CELF2: variants seen among roughly 807,000 people sequenced by gnomAD.
CELF2 encodes the protein CUG triplet repeat RNA-binding protein 2.
Under a neutral mutation model 62.6 loss-of-function variants are expected in CELF2, and 8 were observed. That is an observed-to-expected ratio of 0.13 (90% CI 0.07 to 0.23). CELF2 has a LOEUF of 0.23. CELF2 is among the 10% of genes least tolerant of loss of function. CELF2 has a pLI of 1.00. For missense variants in CELF2, 333 were observed against 671.0 expected, an observed-to-expected ratio of 0.50 and a Z score of 5.56; for synonymous variants, 258 against 250.0, an observed-to-expected ratio of 1.03 and a Z score of -0.30.
chr10:10,640,771 G>GA, the CELF2 span, among the ~76,000 whole-genome samples: 3 of 152,168 alleles, frequency 2.0e-5, no homozygotes, highest in Non-Finnish European at 4.4e-5. Context: ...AGGAAAGAAA[G>GA]AAAAAATGTT....
At chr10:10,631,007 C>T in the CELF2 span, among the ~76,000 whole-genome samples, 20 of 152,214 alleles carry the variant, frequency 1.3e-4, no homozygotes, top group African/African-American at 4.3e-4. Flanking sequence ...TTTGGAATTG[C>T]CAATGTTATA....
chr10:10,747,491 C>T, the CELF2 span, among the ~76,000 whole-genome samples: 18 of 152,136 alleles, frequency 1.2e-4, no homozygotes, highest in African/African-American at 4.3e-4. Context: ...CGGAAGGCGG[C>T]AGGCACCTGA....
chr10:10,655,391 CA>C, the CELF2 span, among the ~76,000 whole-genome samples: 1 of 120,952 alleles, frequency 8.3e-6, no homozygotes, highest in East Asian at 2.0e-4. Flanking sequence ...CATATGGAAC[CA>C]AAAAAGATCC....
the CELF2 span, among the ~76,000 whole-genome samples, chr10:10,467,135 G>A: frequency 1.3e-5 from 2 of 151,882 alleles, no homozygotes; most frequent in African/African-American, 4.8e-5. Context: ...TTTATTTCAC[G>A]GTTCATACTT....
Position 11,199,510 on chromosome 10 carries a change from T to G in CELF2, c.272-17915T>G, listed in dbSNP as rs529901882. 1.8e-4 allele frequency among the ~76,000 whole-genome samples: 28 copies of G among 152,210 alleles called. No individual in the cohort carries two copies. In the South Asian group the frequency reaches 5.8e-3, roughly 32 times the overall value. ...GTGTAGAGCCTGAATCAGAAGGGTC[T>G]GGGCTGGAAAGGAAGATGGTCAGAT... On this transcript the variant is annotated intron_variant, in intron 2 of 12. Coordinates refer to ENST00000633077, the MANE Select transcript of CELF2 (RefSeq NM_001326342.2).
At chr10:10,987,687 G>C (rs568078994) in intron 2 of CELF2, among the ~76,000 whole-genome samples, 2 of 151,916 alleles carry the variant, frequency 1.3e-5, no homozygotes, top group South Asian at 4.2e-4. Flanking sequence ...CACCTCAGTA[G>C]ATCAATAAGA....
At chr10:11,240,712 A>G (rs923680766) in intron 3 of CELF2, among the ~76,000 whole-genome samples, 5 of 152,188 alleles carry the variant, frequency 3.3e-5, no homozygotes, top group Admixed American at 6.5e-5. Context: ...TTGTATGTGT[A>G]TATGCAAATA....
intron 1 of CELF2, among the ~76,000 whole-genome samples, chr10:11,022,002 T>A (rs1476268312): frequency 1.3e-5 from 2 of 152,220 alleles, no homozygotes; most frequent in African/African-American, 4.8e-5. Flanking sequence ...GTTTACAAGG[T>A]TCCAGCAAGA....
At chr10:11,200,872 C>T (rs2059067458) in intron 2 of CELF2, among the ~76,000 whole-genome samples, 1 of 152,220 alleles carries the variant, frequency 6.6e-6, no homozygotes, top group Non-Finnish European at 1.5e-5. Flanking sequence ...GTTGTTTTCC[C>T]TCTGAGCAAA....
intron 1 of CELF2, among the ~76,000 whole-genome samples, chr10:11,097,747 G>C (rs1396724971): frequency 6.6e-6 from 1 of 152,124 alleles, no homozygotes; most frequent in East Asian, 1.9e-4. Context: ...TTTCTACGGG[G>C]TTTTCCTCAC....
At chr10:10,612,974 G>A in the CELF2 span, among the ~76,000 whole-genome samples, 1 of 152,188 alleles carries the variant, frequency 6.6e-6, no homozygotes, top group Non-Finnish European at 1.5e-5. Context: ...TATTCATCCA[G>A]TTAGCATGAA....
At chr10:10,949,826 C>CAAAAAAAAAAAAAAAAAAAAAAAAAA (rs35952853) in intron 2 of CELF2, among the ~76,000 whole-genome samples, 1 of 82,270 alleles carries the variant, frequency 1.2e-5, no homozygotes, top group Non-Finnish European at 2.5e-5. Context: ...ACACACACAC[C>CAAAAAAAAAAAAAAAAAAAAAAAAAA]AAAAAAAAAA....
At chr10:10,685,949 A>G in the CELF2 span, among the ~76,000 whole-genome samples, 1 of 152,110 alleles carries the variant, frequency 6.6e-6, no homozygotes, top group Non-Finnish European at 1.5e-5. Flanking sequence ...GAAAGAGGCC[A>G]GTTCAGAATG....
the CELF2 span, among the ~76,000 whole-genome samples, chr10:10,606,229 T>C: frequency 1.3e-5 from 2 of 152,182 alleles, no homozygotes; most frequent in Admixed American, 6.5e-5. Context: ...CATGAAGATA[T>C]CTGTGTTTTA....
chr10:11,058,368 TTTATC>T (rs902724878), intron 1 of CELF2, among the ~76,000 whole-genome samples: 38 of 152,314 alleles, frequency 2.5e-4, no homozygotes, highest in African/African-American at 8.2e-4. Context: ...CTTTAAGAGT[TTTATC>T]TTAACTTACT....
At chr10:11,174,002 A>T (rs189667934) in intron 2 of CELF2, among the ~76,000 whole-genome samples, 1 of 152,208 alleles carries the variant, frequency 6.6e-6, no homozygotes, top group East Asian at 1.9e-4. Context: ...CCATACTGAG[A>T]AATTCCGTGG....
At chr10:10,770,944 C>G in the CELF2 span, among the ~76,000 whole-genome samples, 1 of 152,164 alleles carries the variant, frequency 6.6e-6, no homozygotes, top group Non-Finnish European at 1.5e-5. Context: ...TGGGCTTCAC[C>G]TTATGAAATC....
At chr10:10,720,645 G>C in the CELF2 span, among the ~76,000 whole-genome samples, 5 of 151,670 alleles carry the variant, frequency 3.3e-5, no homozygotes, top group East Asian at 9.6e-4. Flanking sequence ...AAAAAATAGA[G>C]AGAAATTTTA....
intron 5 of CELF2, among the ~76,000 whole-genome samples, chr10:11,264,120 G>A (rs2081509571): frequency 6.6e-6 from 1 of 152,184 alleles, no homozygotes; most frequent in Non-Finnish European, 1.5e-5. Context: ...TTTGGGTGGG[G>A]TAAGGATTAT....
Sources: gnomAD v4.1 joint callset for allele counts (sites outside exome capture counted in the v4.1 genomes callset) on GRCh38, gnomAD v4.1.1 for gene constraint, MANE v1.5 for transcripts, NCBI Gene and HGNC (gene_info 2026-07-23, HGNC 2026-07-21) for gene names.